The following SCHIP1 variants were observed in gnomAD, a reference collection of about 807,000 sequenced individuals.
SCHIP1 encodes schwannomin interacting protein 1.
SCHIP1 carries 8 observed loss-of-function variants against 29.7 expected under a neutral mutation model. The ratio of observed to expected loss-of-function variants is 0.27; its 90% CI spans 0.16 to 0.49. The LOEUF (loss-of-function observed/expected upper bound fraction) is 0.49, where lower values mean the gene tolerates loss of function less well. SCHIP1 is among the 20% of genes least tolerant of loss of function. The pLI, the probability that SCHIP1 is intolerant of heterozygous loss-of-function variation, is 0.99. For missense variants in SCHIP1, 193 were observed against 294.6 expected (o/e 0.66, Z 2.52); for synonymous variants, 76 against 94.9 (o/e 0.80, Z 1.16).
At chr3:159,390,750 A>G in the SCHIP1 span, among the ~76,000 whole-genome samples, 1 of 152,156 alleles carries the variant, frequency 6.6e-6, no homozygotes, top group Non-Finnish European at 1.5e-5. Flanking sequence ...CATGTGGGTT[A>G]TCAACATTGG....
the SCHIP1 span, among the ~76,000 whole-genome samples, chr3:159,352,696 C>G: frequency 0.031 from 4,782 of 152,178 alleles, 277 homozygotes; most frequent in African/African-American, 0.11. Context: ...CCCCTTTTCT[C>G]CCTCCCAAAA....
the SCHIP1 span, among the ~76,000 whole-genome samples, chr3:159,800,413 T>C: frequency 6.6e-6 from 1 of 152,154 alleles, no homozygotes; most frequent in African/African-American, 2.4e-5. Flanking sequence ...TAACAAGTAC[T>C]AGAAGGGAAC....
the SCHIP1 span, among the ~76,000 whole-genome samples, chr3:159,460,054 G>C: frequency 6.6e-6 from 1 of 152,166 alleles, no homozygotes; most frequent in Non-Finnish European, 1.5e-5. Context: ...ACTGTCACAG[G>C]CTCCATGGCG....
At chr3:159,892,224 A>G (rs751797877) in intron 6 of SCHIP1, 34 bp downstream of exon 7, 3 of 1,612,912 alleles carry the variant, frequency 1.9e-6, no homozygotes, top group South Asian at 2.2e-5. Context: ...AAAGAAGAAA[A>G]GCCCAGGGTG....
chr3:159,896,784 A>G (rs1560101422), exon 7 of SCHIP1: 1 of 1,604,812 alleles, frequency 6.2e-7, no homozygotes, highest in Non-Finnish European at 8.5e-7. Flanking sequence ...AAAAGAAGCC[A>G]TTCAACCAGA....
chr3:159,525,500 G>A, the SCHIP1 span, among the ~76,000 whole-genome samples: 1 of 152,308 alleles, frequency 6.6e-6, no homozygotes, highest in East Asian at 1.9e-4. Flanking sequence ...TACTTGAATG[G>A]TCATAGCAAA....
At chr3:159,891,928 A>G (rs1717583721) in intron 5 of SCHIP1, among the ~76,000 whole-genome samples, 169 bp from the exon 7 acceptor site, 1 of 152,230 alleles carries the variant, frequency 6.6e-6, no homozygotes, top group South Asian at 2.1e-4. Flanking sequence ...CCACACCTCT[A>G]TAATTATGCA....
chr3:159,394,868 T>C, the SCHIP1 span, among the ~76,000 whole-genome samples: 72 of 152,276 alleles, frequency 4.7e-4, no homozygotes, highest in African/African-American at 1.7e-3. Flanking sequence ...TTCTATTGAT[T>C]GGAATAGTTT....
the SCHIP1 span, among the ~76,000 whole-genome samples, chr3:159,469,602 C>T: frequency 4.6e-5 from 7 of 152,186 alleles, no homozygotes; most frequent in South Asian, 1.5e-3. Context: ...TGGTGGAAGA[C>T]CACCATGAGC....
intron 2 of SCHIP1, 87 bp from the exon 4 acceptor site, chr3:159,886,120 T>C (rs1177091829): frequency 9.7e-6 from 14 of 1,437,352 alleles, no homozygotes; most frequent in African/African-American, 1.4e-5. Context: ...AAGACTACTT[T>C]CTGTTAGCAA....
the SCHIP1 span, among the ~76,000 whole-genome samples, chr3:159,769,819 G>C: frequency 2.0e-5 from 3 of 152,322 alleles, no homozygotes; most frequent in East Asian, 5.8e-4. Flanking sequence ...ACTGTACATA[G>C]TTAAAATGTA....
At chr3:159,694,363 T>C in the SCHIP1 span, among the ~76,000 whole-genome samples, 1 of 151,800 alleles carries the variant, frequency 6.6e-6, no homozygotes, top group African/African-American at 2.4e-5. Flanking sequence ...CTACCAAAAA[T>C]ACAAAAATTA....
At chr3:159,736,695 A>C in the SCHIP1 span, among the ~76,000 whole-genome samples, 1 of 151,598 alleles carries the variant, frequency 6.6e-6, no homozygotes, top group Non-Finnish European at 1.5e-5. Context: ...TGCACTGGGG[A>C]CGTTCTCCCC....
At chr3:159,568,770 T>C in the SCHIP1 span, among the ~76,000 whole-genome samples, 1 of 152,172 alleles carries the variant, frequency 6.6e-6, no homozygotes, top group Non-Finnish European at 1.5e-5. Flanking sequence ...ATTTTCTATA[T>C]CCTTAATGAA....
chr3:159,500,588 C>T, the SCHIP1 span, among the ~76,000 whole-genome samples: 1 of 151,938 alleles, frequency 6.6e-6, no homozygotes, highest in Non-Finnish European at 1.5e-5. Flanking sequence ...GTGGCGGGCA[C>T]CTGTAGTCCC....
the SCHIP1 span, among the ~76,000 whole-genome samples, chr3:159,406,087 C>T: frequency 1.5e-4 from 23 of 151,294 alleles, no homozygotes; most frequent in Non-Finnish European, 3.1e-4. Flanking sequence ...ACTTCCTAAA[C>T]CTAGAGGAAG....
the SCHIP1 span, among the ~76,000 whole-genome samples, chr3:159,498,090 C>A: frequency 6.6e-6 from 1 of 152,140 alleles, no homozygotes; most frequent in African/African-American, 2.4e-5. Flanking sequence ...TTACACAGAG[C>A]AATAAATAAT....
At chr3:159,534,585 G>A in the SCHIP1 span, among the ~76,000 whole-genome samples, 16 of 152,064 alleles carry the variant, frequency 1.1e-4, no homozygotes, top group Non-Finnish European at 1.8e-4. Context: ...GGTGGGGAAA[G>A]AGAGAAAACA....
chr3:159,390,018 A>T, the SCHIP1 span, among the ~76,000 whole-genome samples: 1 of 152,104 alleles, frequency 6.6e-6, no homozygotes, highest in African/African-American at 2.4e-5. Flanking sequence ...AAGCAGTTTT[A>T]CATTTATTAA....
Sources: allele counts gnomAD v4.1 joint callset (sites outside exome capture counted in the v4.1 genomes callset), GRCh38; gene constraint gnomAD v4.1.1; transcripts MANE v1.5; gene names NCBI Gene and HGNC (gene_info 2026-07-23, HGNC 2026-07-21).